TEAD1: variants seen among roughly 807,000 people sequenced by gnomAD.
The protein encoded by TEAD1 is TEA domain transcription factor 1.
In TEAD1, 9 loss-of-function variants were observed where a neutral mutation model predicts 54.9. That is an observed-to-expected ratio of 0.16 (90% CI 0.10 to 0.29). TEAD1 has a LOEUF of 0.29. Ranked by LOEUF, TEAD1 falls within the 10% of genes least tolerant of loss-of-function variation. The pLI is 1.00. For synonymous variants in TEAD1, 200 were observed against 187.8 expected (o/e 1.07, Z -0.53); for missense variants, 387 against 535.9 (o/e 0.72, Z 2.74).
intron 5 of TEAD1, chr11:12,865,584 AG>A (rs1947600291): frequency 6.6e-6 from 1 of 151,996 alleles, no homozygotes; most frequent in African/African-American, 2.4e-5. Flanking sequence ...ACCCATTTGC[AG>A]TTTCATTTGT....
chr11:12,694,958 A>G (rs1943548934), intron 2 of TEAD1, among the ~76,000 whole-genome samples: 1 of 152,238 alleles, frequency 6.6e-6, no homozygotes, highest in African/African-American at 2.4e-5. Flanking sequence ...TACCTTTTAA[A>G]TTGAGCTTGT....
At chr11:12,886,037 G>A (rs753124932) in intron 9 of TEAD1, among the ~76,000 whole-genome samples, 17 of 152,222 alleles carry the variant, frequency 1.1e-4, no homozygotes, top group South Asian at 2.1e-4. Context: ...AATACTGAAC[G>A]CTGTGAGTAA....
At chr11:12,769,718 G>A (rs2403649) in intron 3 of TEAD1, among the ~76,000 whole-genome samples, 5,066 of 152,074 alleles carry the variant, frequency 0.033, 277 homozygotes, top group African/African-American at 0.12. Flanking sequence ...TTCCTCTTTC[G>A]GACCTCTGAT....
intron 5 of TEAD1, among the ~76,000 whole-genome samples, chr11:12,874,160 A>G (rs889656673): frequency 6.6e-6 from 1 of 152,228 alleles, no homozygotes; most frequent in African/African-American, 2.4e-5. Flanking sequence ...AATTCCATAT[A>G]TGGCAGCTAT....
chr11:12,737,408 A>G (rs1160777629), intron 2 of TEAD1, among the ~76,000 whole-genome samples: 2 of 152,200 alleles, frequency 1.3e-5, no homozygotes, highest in Admixed American at 1.3e-4. Context: ...GTAAGACTCA[A>G]GACCTTAGGT....
intron 2 of TEAD1, among the ~76,000 whole-genome samples, chr11:12,710,018 T>A (rs933462201): frequency 1.9e-5 from 1 of 51,560 alleles, no homozygotes. Context: ...CTTACCAAAT[T>A]GTTAAAAAAA....
intron 5 of TEAD1, among the ~76,000 whole-genome samples, chr11:12,874,183 A>G (rs1947809862): frequency 6.6e-6 from 1 of 152,238 alleles, no homozygotes; most frequent in African/African-American, 2.4e-5. Flanking sequence ...TATATTGTAT[A>G]TGCAAGCATG....
intron 3 of TEAD1, among the ~76,000 whole-genome samples, chr11:12,848,447 C>T (rs1947201017): frequency 6.6e-6 from 1 of 152,122 alleles, no homozygotes; most frequent in Non-Finnish European, 1.5e-5. Context: ...AGATTTTGTT[C>T]TCATTAAACA....
At chr11:12,686,281 G>C (rs1190151801) in intron 2 of TEAD1, among the ~76,000 whole-genome samples, 4 of 152,178 alleles carry the variant, frequency 2.6e-5, no homozygotes, top group Non-Finnish European at 5.9e-5. Flanking sequence ...GGGCTTTGTG[G>C]TGTCTTGGTA....
intron 3 of TEAD1, among the ~76,000 whole-genome samples, chr11:12,826,088 T>C (rs970290617): frequency 2.0e-5 from 3 of 152,204 alleles, no homozygotes; most frequent in African/African-American, 7.2e-5. Context: ...TAATAAAAAG[T>C]CTTCATGACC....
At chr11:12,696,719 G>A (rs1943591932) in intron 2 of TEAD1, among the ~76,000 whole-genome samples, 1 of 152,046 alleles carries the variant, frequency 6.6e-6, no homozygotes, top group South Asian at 2.1e-4. Context: ...CTAGTTTGTT[G>A]GGAAATACAC....
At chr11:12,775,206 G>A (rs1487841247) in intron 3 of TEAD1, among the ~76,000 whole-genome samples, 1 of 152,130 alleles carries the variant, frequency 6.6e-6, no homozygotes, top group African/African-American at 2.4e-5. Flanking sequence ...TCCTTTCTTA[G>A]GGTTTCTGTC....
chr11:12,848,102 A>T (rs1267368475), intron 3 of TEAD1, among the ~76,000 whole-genome samples: 6 of 152,146 alleles, frequency 3.9e-5, no homozygotes, highest in African/African-American at 1.4e-4. Flanking sequence ...CTTCCTGAGT[A>T]CATCTATCCA....
At chr11:12,718,757 G>A (rs1209746647) in intron 2 of TEAD1, among the ~76,000 whole-genome samples, 1 of 152,174 alleles carries the variant, frequency 6.6e-6, no homozygotes, top group East Asian at 1.9e-4. Flanking sequence ...GGCCAGTCTA[G>A]TTGTATTCAG....
At chr11:12,744,738 G>C (rs1944712877) in intron 2 of TEAD1, among the ~76,000 whole-genome samples, 1 of 152,088 alleles carries the variant, frequency 6.6e-6, no homozygotes, top group Non-Finnish European at 1.5e-5. Context: ...TAGTGAGTGG[G>C]TGAACATGTT....
At chr11:12,925,705 G>A (rs1352324032) in intron 11 of TEAD1, among the ~76,000 whole-genome samples, 2 of 152,086 alleles carry the variant, frequency 1.3e-5, no homozygotes, top group African/African-American at 2.4e-5. Flanking sequence ...GGGTAGTGTG[G>A]TATGAAAGCT....
chr11:12,836,419 C>CA (rs34899154), intron 3 of TEAD1, among the ~76,000 whole-genome samples: 91,334 of 132,292 alleles, frequency 0.69, 30,716 homozygotes, highest in East Asian at 0.77. Context: ...GACTCCGTCT[C>CA]AAAAAAAAAA....
intron 3 of TEAD1, among the ~76,000 whole-genome samples, chr11:12,806,446 C>T (rs1946174465): frequency 6.6e-6 from 1 of 151,802 alleles, no homozygotes; most frequent in Non-Finnish European, 1.5e-5. Flanking sequence ...GTTCCAAAGT[C>T]TTGGGTCCTT....
chr11:12,840,397 TGAGAGTTAA>T (rs1431878968), intron 3 of TEAD1, among the ~76,000 whole-genome samples: 1 of 151,926 alleles, frequency 6.6e-6, no homozygotes, highest in Non-Finnish European at 1.5e-5. Flanking sequence ...GAGAAGCTTG[TGAGAGTTAA>T]GAGGCCATAT....
Sources: allele counts gnomAD v4.1 joint callset (sites outside exome capture counted in the v4.1 genomes callset), GRCh38; gene constraint gnomAD v4.1.1; transcripts MANE v1.5; gene names NCBI Gene and HGNC (gene_info 2026-07-23, HGNC 2026-07-21).